APC: variants seen among roughly 807,000 people sequenced by gnomAD.
The protein encoded by APC is adenomatous polyposis coli protein.
A neutral mutation model predicts 247.0 loss-of-function variants in APC; 72 were observed. The ratio of observed to expected loss-of-function variants is 0.29; its 90% CI spans 0.24 to 0.35. The LOEUF is 0.35. Among genes scored for constraint, APC ranks in the 10% least tolerant of loss-of-function variants. The pLI is 1.00. For synonymous variants in APC, 1,254 were observed against 1,162.5 expected (o/e 1.08, Z -1.60); for missense variants, 3,400 against 3,360.7 (o/e 1.01, Z -0.29).
upstream of APC, among the ~76,000 whole-genome samples, chr5:112,736,097 A>G (rs184946205): frequency 3.9e-5 from 6 of 152,304 alleles, no homozygotes; most frequent in East Asian, 1.2e-3. Context: ...GAAATTACCT[A>G]TTCTGAATTT....
chr5:112,837,567 A>G lies in APC; in HGVS notation c.1973A>G (p.Glu658Gly). 1.9e-6 allele frequency: 3 copies of G among 1,612,828 alleles called. No homozygotes were observed. In the South Asian group the frequency reaches 3.3e-5, roughly 18 times the overall value. ...TNEDHRQILRENNCLQTLLQH... is the reference protein window; with the variant it reads ...TNEDHRQILRGNNCLQTLLQH... ...TTTTATTTCAGGCAAATCCTAAGAG[A>G]GAACAACTGTCTACAAACTTTATTA... Residue 658 changes from glutamate (E) to glycine (G), a missense_variant, in exon 16 of 16, where the codon GAG becomes GGG. Physicochemically the swap from Glu to Gly is moderately conservative, Grantham distance 98. This residue lies in a region of APC where 184 missense variants were observed against 248.0 expected (regional missense o/e 0.74). Coordinates refer to ENST00000257430, the MANE Select transcript of APC (RefSeq NM_000038.6).
chr5:112,725,480 A>G (rs1054684860), intron 1 of APC, among the ~76,000 whole-genome samples: 1 of 152,104 alleles, frequency 6.6e-6, no homozygotes, highest in African/African-American at 2.4e-5. Flanking sequence ...GGGGCCGGGC[A>G]CAGTGGCTCA....
chr5:112,738,859 T>G (rs1208033970), intron 1 of APC, among the ~76,000 whole-genome samples: 1 of 152,268 alleles, frequency 6.6e-6, no homozygotes, highest in African/African-American at 2.4e-5. Flanking sequence ...ACGAAAGTGA[T>G]GCTCAAATTC....
chr5:112,786,104 A>T (rs1758917266), intron 6 of APC, among the ~76,000 whole-genome samples: 1 of 152,208 alleles, frequency 6.6e-6, no homozygotes, highest in Admixed American at 6.5e-5. Flanking sequence ...TTTTGTTCAG[A>T]GAGGGGGTTT....
At chr5:112,711,111 T>C (rs1256271144) in intron 1 of APC, among the ~76,000 whole-genome samples, 1 of 152,140 alleles carries the variant, frequency 6.6e-6, no homozygotes, top group Non-Finnish European at 1.5e-5. Flanking sequence ...GCTTGTTTGG[T>C]GTTAGGAACT....
chr5:112,809,886 A>G (rs1190571374), intron 8 of APC, among the ~76,000 whole-genome samples: 1 of 152,092 alleles, frequency 6.6e-6, no homozygotes, highest in African/African-American at 2.4e-5. Flanking sequence ...AATCCCAGCT[A>G]CTCGGGAGGC....
intron 1 of APC, among the ~76,000 whole-genome samples, chr5:112,714,557 A>G (rs1378842843): frequency 2.6e-5 from 4 of 152,184 alleles, no homozygotes; most frequent in African/African-American, 9.6e-5. Context: ...ATTATTCCCC[A>G]TGATTTGGTT....
At chr5:112,811,005 A>C (rs1288945822) in intron 8 of APC, among the ~76,000 whole-genome samples, 1 of 142,430 alleles carries the variant, frequency 7.0e-6, no homozygotes, top group Non-Finnish European at 1.5e-5. Context: ...AGCCTGGGCA[A>C]CACAGCAAAA....
chr5:112,830,604 A>G (rs1021401100), intron 14 of APC, among the ~76,000 whole-genome samples: 12 of 152,266 alleles, frequency 7.9e-5, no homozygotes, highest in Non-Finnish European at 1.5e-4. Flanking sequence ...ACAAACATCC[A>G]CAATAATTTA....
chr5:112,834,353 C>T (rs1024118691), intron 14 of APC, among the ~76,000 whole-genome samples: 5 of 151,426 alleles, frequency 3.3e-5, no homozygotes, highest in Non-Finnish European at 5.9e-5. Context: ...GCGATTCTCC[C>T]ACCTCAGCCT....
chr5:112,773,237 TACTC>T (rs1459515002), intron 4 of APC, among the ~76,000 whole-genome samples: 1 of 152,176 alleles, frequency 6.6e-6, no homozygotes, highest in Non-Finnish European at 1.5e-5. Flanking sequence ...ACCTTCCACA[TACTC>T]ACTACTAAGA....
chr5:112,713,702 C>T (rs1032344852), intron 1 of APC, among the ~76,000 whole-genome samples: 1 of 152,184 alleles, frequency 6.6e-6, no homozygotes, highest in Non-Finnish European at 1.5e-5. Flanking sequence ...GAGTCTCGTT[C>T]AGTCACTCAG....
At chr5:112,786,874 C>A (rs943074216) in intron 6 of APC, among the ~76,000 whole-genome samples, 13 of 138,192 alleles carry the variant, frequency 9.4e-5, no homozygotes, top group Non-Finnish European at 1.5e-4. Flanking sequence ...TCAACCCTGC[C>A]TTTTTCTTTT....
intron 1 of APC, among the ~76,000 whole-genome samples, chr5:112,739,970 TA>T (rs1313125122): frequency 6.6e-6 from 1 of 152,244 alleles, no homozygotes; most frequent in Non-Finnish European, 1.5e-5. Context: ...CAAGGTCAAA[TA>T]TTGTATAACA....
At chr5:112,771,147 A>AT (rs1034260058) in intron 4 of APC, among the ~76,000 whole-genome samples, 10 of 152,220 alleles carry the variant, frequency 6.6e-5, no homozygotes, top group African/African-American at 2.4e-4. Context: ...TATTGATAGA[A>AT]TATCATACTC....
upstream of APC, chr5:112,737,832 G>T (rs1752499588): frequency 1.0e-6 from 1 of 985,480 alleles, no homozygotes; most frequent in African/African-American, 1.7e-5. Flanking sequence ...TTGGCTGGGT[G>T]TGGGCGCACG....
intron 1 of APC, among the ~76,000 whole-genome samples, chr5:112,738,994 C>T (rs922855994): frequency 2.0e-5 from 3 of 152,106 alleles, no homozygotes; most frequent in African/African-American, 4.8e-5. Context: ...CACTTTACAA[C>T]GTAAATTACT....
intron 4 of APC, 76 bp from the exon 5 acceptor site, chr5:112,775,553 C>A (rs2149613488): frequency 1.2e-6 from 1 of 847,336 alleles, no homozygotes; most frequent in Non-Finnish European, 1.9e-6. Context: ...GCAATAACAA[C>A]TGATGTAAGT....
At chr5:112,758,996 G>A (rs1755333838) in intron 2 of APC, among the ~76,000 whole-genome samples, 2 of 152,206 alleles carry the variant, frequency 1.3e-5, no homozygotes, top group South Asian at 2.1e-4. Context: ...ATGGCATGGT[G>A]TAGGAAGAAT....
Sources: gnomAD v4.1 joint callset for allele counts (sites outside exome capture counted in the v4.1 genomes callset) on GRCh38, gnomAD v4.1.1 for gene constraint, gnomAD v4.1.1 regional missense constraint, MANE v1.5 for transcripts, NCBI Gene and HGNC (gene_info 2026-07-23, HGNC 2026-07-21) for gene names.